NAA15: variants seen among roughly 807,000 people sequenced by gnomAD.
NAA15 encodes N-alpha-acetyltransferase 15, NatA auxiliary subunit.
Under a neutral mutation model 114.0 loss-of-function variants are expected in NAA15, and 34 were observed. The ratio of observed to expected loss-of-function variants is 0.30; its 90% confidence interval spans 0.23 to 0.40. NAA15 has a LOEUF of 0.40. NAA15 is among the 10% of genes least tolerant of loss of function. The pLI is 1.00. For synonymous variants in NAA15, 340 were observed against 338.0 expected (o/e 1.01, Z -0.06); for missense variants, 658 against 1,004.5 (o/e 0.66, Z 4.66).
At chr4:139,384,366 T>G (rs1406040984) in intron 17 of NAA15, among the ~76,000 whole-genome samples, 1 of 152,130 alleles carries the variant, frequency 6.6e-6, no homozygotes, top group African/African-American at 2.4e-5. Flanking sequence ...TGGTCCCAGC[T>G]TCTCAGGAGG....
chr4:139,372,389 T>C (rs1351439061), intron 15 of NAA15, among the ~76,000 whole-genome samples: 1 of 152,240 alleles, frequency 6.6e-6, no homozygotes, highest in Non-Finnish European at 1.5e-5. Context: ...GTCTAATTAT[T>C]TGTAGCCATG....
At chr4:139,378,043 T>A (rs1044766577) in intron 16 of NAA15, among the ~76,000 whole-genome samples, 1 of 152,202 alleles carries the variant, frequency 6.6e-6, no homozygotes, top group Non-Finnish European at 1.5e-5. Context: ...TTTGGCTTTT[T>A]TAGTATTGGG....
intron 1 of NAA15, among the ~76,000 whole-genome samples, chr4:139,328,636 C>T (rs1484665979): frequency 4.3e-5 from 6 of 138,574 alleles, no homozygotes; most frequent in African/African-American, 1.1e-4. Context: ...GGCGTGATCT[C>T]GGCTCACTGT....
intron 17 of NAA15, among the ~76,000 whole-genome samples, chr4:139,379,527 C>T (rs1748683146): frequency 6.6e-6 from 1 of 152,128 alleles, no homozygotes; most frequent in Non-Finnish European, 1.5e-5. Flanking sequence ...GTTCTTTCTA[C>T]TGTAAGAACT....
rs533580910 is a variant in NAA15 at position 139,318,077 on chromosome 4, C to A, written c.55-16097C>A. On this transcript the variant is annotated intron_variant, in intron 1 of 19. Coordinates refer to ENST00000296543, the MANE Select transcript of NAA15 (RefSeq NM_057175.5). ...CACTCAATTTTGCTTGCTAGTAAGACCATATATGTAATTTTCACTTCTGTG... is the reference window on the plus strand; with the variant it reads ...CACTCAATTTTGCTTGCTAGTAAGAACATATATGTAATTTTCACTTCTGTG... Among the ~76,000 whole-genome samples, 5 of 152,236 alleles carry A rather than the reference C, an allele frequency of 3.3e-5. No homozygotes were observed. In the South Asian group the frequency reaches 8.3e-4, roughly 25 times the overall value.
chr4:139,321,298 C>G (rs1031365180), intron 1 of NAA15, among the ~76,000 whole-genome samples: 1 of 151,756 alleles, frequency 6.6e-6, no homozygotes, highest in African/African-American at 2.4e-5. Context: ...TTGAGATTTT[C>G]TGTTTCTTCT....
Position 139,318,984 on chromosome 4 carries a change from G to C in NAA15, c.55-15190G>C, listed in dbSNP as rs1009885974. On this transcript the variant is annotated intron_variant, in intron 1 of 19. Coordinates refer to ENST00000296543, the MANE Select transcript of NAA15 (RefSeq NM_057175.5). ...AGTTACAGGGCGATAGTTTGGATCA[G>C]TATATCTAAAAACATTTTTGTAGGC... 3.9e-5 allele frequency among the ~76,000 whole-genome samples: 6 copies of C among 152,158 alleles called. No homozygotes were observed. In the East Asian group the frequency reaches 1.2e-3, roughly 30 times the overall value.
At chr4:139,355,247 A>AT (rs977344936) in intron 10 of NAA15, among the ~76,000 whole-genome samples, 1,527 of 148,002 alleles carry the variant, frequency 0.01, 30 homozygotes, top group African/African-American at 0.035. Context: ...TATAAATGCC[A>AT]TTTTTTTTTT....
rs768437780 is a variant in NAA15, at chr4:139,351,285, T to C, written c.906T>C (p.Ser302=). 6.3e-7 allele frequency: 1 copy of C among 1,585,808 alleles called. No individual in the cohort carries two copies. Among genetic ancestry groups the C allele is most frequent in the Non-Finnish European group, 8.6e-7 (1 of 1,157,426 alleles). Residue 302 remains serine, a splice_region_variant and synonymous_variant, in exon 8 of 20, where the codon TCT becomes TCC. Transcript: ENST00000296543. ...VPRRLPLNFL[S]GEKFKECLDK... ...GAAGGCTGCCGTTAAACTTTTTATC[T>C]GGTAAGTGAGAATAATTGCAAAGGA...
At chr4:139,353,633 T>G (rs1747852603) in intron 9 of NAA15, among the ~76,000 whole-genome samples, 1 of 152,206 alleles carries the variant, frequency 6.6e-6, no homozygotes. Context: ...AGTTGAATAC[T>G]GTCATCTACT....
intron 6 of NAA15, among the ~76,000 whole-genome samples, chr4:139,348,785 A>G (rs368822252): frequency 1.1e-4 from 16 of 152,294 alleles, no homozygotes; most frequent in Middle Eastern, 3.4e-3. Flanking sequence ...AAAAGAGCCT[A>G]GGTTTTAAGA....
At chr4:139,320,316 ATG>A (rs1286391915) in intron 1 of NAA15, among the ~76,000 whole-genome samples, 1 of 152,120 alleles carries the variant, frequency 6.6e-6, no homozygotes, top group Non-Finnish European at 1.5e-5. Flanking sequence ...TATTCCATGT[ATG>A]TGCCACTTCA....
chr4:139,341,268 T>C (rs1747377741), intron 4 of NAA15, among the ~76,000 whole-genome samples, 199 bp downstream of exon 4: 1 of 152,018 alleles, frequency 6.6e-6, no homozygotes, highest in South Asian at 2.1e-4. Flanking sequence ...GAGGCAGATT[T>C]GGCCTACTGT....
At chr4:139,383,394 T>G (rs1441730212) in intron 17 of NAA15, among the ~76,000 whole-genome samples, 4 of 152,288 alleles carry the variant, frequency 2.6e-5, no homozygotes, top group African/African-American at 9.6e-5. Flanking sequence ...TGAAACAAAG[T>G]ATAACTTGGA....
intron 1 of NAA15, among the ~76,000 whole-genome samples, chr4:139,321,471 G>GTTTTTTT (rs909254599): frequency 1.8e-5 from 2 of 113,238 alleles, no homozygotes; most frequent in Non-Finnish European, 1.8e-5. Flanking sequence ...GCCCTTATTT[G>GTTTTTTT]TTTTTTTTTT....
intron 1 of NAA15, among the ~76,000 whole-genome samples, chr4:139,310,804 A>G (rs1192724356): frequency 6.6e-6 from 1 of 151,672 alleles, no homozygotes; most frequent in Admixed American, 6.6e-5. Context: ...TTTTTAGTAC[A>G]GGCGGGGTTT....
At position 139,336,958 on chromosome 4, in the gene NAA15, C is replaced by T. The variant is rs1747219842; in HGVS notation, c.244+6C>T. ...TGACTTGAAGAGTCATGTGTGTATC[C>T]TTTTTGAGATATATTTAAGGTTTGA... is the stretch of plus-strand genomic sequence containing the variant. On this transcript the variant is annotated splice_donor_region_variant and intron_variant, in intron 3 of 19. Coordinates refer to ENST00000296543, the MANE Select transcript of NAA15 (RefSeq NM_057175.5). 1 of 1,553,152 alleles carries T rather than the reference C, an allele frequency of 6.4e-7. No individual in the cohort carries two copies. The highest frequency in any genetic ancestry group is 2.3e-5 in the East Asian group (1 of 42,890).
intron 17 of NAA15, 97 bp downstream of exon 17, chr4:139,378,951 T>C (rs939507662): frequency 4.4e-5 from 33 of 752,852 alleles, no homozygotes; most frequent in Admixed American, 9.7e-5. Flanking sequence ...CAAATGATTT[T>C]AAAGCTGTCA....
Position 139,301,545 on chromosome 4 carries a change from C to G in NAA15, c.-233C>G, listed in dbSNP as rs1333386143. 5.2e-6 allele frequency: 3 copies of G among 574,224 alleles called. No homozygotes were observed. The highest frequency in any genetic ancestry group is 3.1e-6 in the Non-Finnish European group (1 of 325,166). The allele number at this position is 574,224 out of a possible 1,614,324, so 35.6% of individuals were successfully genotyped here. A position where few individuals can be genotyped will look rare whatever the true frequency, so the allele number is the denominator to read the frequency against. On this transcript the variant is annotated 5_prime_UTR_variant, in exon 1 of 20. Coordinates refer to ENST00000296543, the MANE Select transcript of NAA15 (RefSeq NM_057175.5). ...TCTGTTCAGTTACCACGTGAACCGC[C>G]GACGGAGACCCGTAGTGGGGGAGGC...
Sources: allele counts gnomAD v4.1 joint callset (sites outside exome capture counted in the v4.1 genomes callset), GRCh38; gene constraint gnomAD v4.1.1; transcripts MANE v1.5; gene names NCBI Gene and HGNC (gene_info 2026-07-23, HGNC 2026-07-21).